SLC24A2: variants seen among roughly 807,000 people sequenced by gnomAD.
The protein encoded by SLC24A2 is sodium/potassium/calcium exchanger 2.
A neutral mutation model predicts 62.0 loss-of-function variants in SLC24A2; 36 were observed. That is an observed-to-expected ratio of 0.58 (90% CI 0.44 to 0.77). The LOEUF (loss-of-function observed/expected upper bound fraction) is 0.77. Among genes scored for constraint, SLC24A2 ranks in the 30% least tolerant of loss-of-function variants. The pLI is 0.00. For missense variants in SLC24A2, 846 were observed against 817.9 expected (o/e 1.03, Z -0.42); for synonymous variants, 358 against 294.0 (o/e 1.22, Z -2.23).
At chr9:19,766,348 GA>G (rs1344552771) in intron 2 of SLC24A2, among the ~76,000 whole-genome samples, 1 of 152,188 alleles carries the variant, frequency 6.6e-6, no homozygotes, top group East Asian at 1.9e-4. Context: ...TGCTGGTGAG[GA>G]GTTGTGATCC....
intron 2 of SLC24A2, among the ~76,000 whole-genome samples, chr9:19,760,162 C>T (rs1822275832): frequency 2.6e-5 from 4 of 152,030 alleles, no homozygotes; most frequent in Non-Finnish European, 4.4e-5. Flanking sequence ...TCACCCATTA[C>T]CTGTAGCTGG....
chr9:19,647,376 T>A (rs1383871782), intron 2 of SLC24A2, among the ~76,000 whole-genome samples: 1 of 152,142 alleles, frequency 6.6e-6, no homozygotes, highest in Non-Finnish European at 1.5e-5. Context: ...CACTGGAAAT[T>A]TTGGCCAAAG....
chr9:20,079,520 G>T, the SLC24A2 span, among the ~76,000 whole-genome samples: 3 of 152,076 alleles, frequency 2.0e-5, no homozygotes, highest in African/African-American at 7.2e-5. Context: ...TGGACATACT[G>T]CACATTGGCC....
the SLC24A2 span, among the ~76,000 whole-genome samples, chr9:20,191,245 T>C: frequency 6.6e-6 from 1 of 152,118 alleles, no homozygotes; most frequent in Non-Finnish European, 1.5e-5. Flanking sequence ...TTTTAGCTTA[T>C]AAAATATCAT....
At chr9:20,292,843 G>A in the SLC24A2 span, among the ~76,000 whole-genome samples, 2 of 152,292 alleles carry the variant, frequency 1.3e-5, no homozygotes, top group South Asian at 4.1e-4. Flanking sequence ...TCCTGCCTTG[G>A]CCTCCCAAAT....
At chr9:20,077,125 T>A in the SLC24A2 span, among the ~76,000 whole-genome samples, 5 of 151,774 alleles carry the variant, frequency 3.3e-5, no homozygotes, top group African/African-American at 1.2e-4. Flanking sequence ...AAAGTGGTAA[T>A]CAGGGGCAGA....
At chr9:20,301,896 C>A in the SLC24A2 span, among the ~76,000 whole-genome samples, 2 of 152,262 alleles carry the variant, frequency 1.3e-5, no homozygotes, top group South Asian at 4.1e-4. Flanking sequence ...TGTACTCTGC[C>A]TATTCACCTC....
the SLC24A2 span, among the ~76,000 whole-genome samples, chr9:19,877,765 T>C: frequency 6.6e-6 from 1 of 151,988 alleles, no homozygotes; most frequent in Non-Finnish European, 1.5e-5. Flanking sequence ...ATATTTGGAT[T>C]CTTGCTTTGG....
intron 5 of SLC24A2, among the ~76,000 whole-genome samples, chr9:19,592,035 T>A (rs114367969): frequency 3.2e-4 from 49 of 152,366 alleles, no homozygotes; most frequent in African/African-American, 1.1e-3. Context: ...CAAAACTTAA[T>A]TTCTCTTTGA....
chr9:19,592,754 TCTAGA>T (rs1426191811), intron 5 of SLC24A2, among the ~76,000 whole-genome samples: 3 of 152,210 alleles, frequency 2.0e-5, no homozygotes, highest in Admixed American at 6.5e-5. Flanking sequence ...TTGAGAATTT[TCTAGA>T]GTAAGAATGG....
chr9:19,798,833 A>C, the SLC24A2 span, among the ~76,000 whole-genome samples: 1 of 152,200 alleles, frequency 6.6e-6, no homozygotes, highest in African/African-American at 2.4e-5. Flanking sequence ...CTTTTTCTCA[A>C]ATAAGGTATG....
the SLC24A2 span, among the ~76,000 whole-genome samples, chr9:20,230,904 T>C: frequency 2.6e-5 from 4 of 152,218 alleles, no homozygotes; most frequent in Non-Finnish European, 5.9e-5. Flanking sequence ...TTCAATTAAT[T>C]TTTGCATAAC....
chr9:19,643,819 G>A (rs891303031), intron 2 of SLC24A2, among the ~76,000 whole-genome samples: 24 of 152,342 alleles, frequency 1.6e-4, no homozygotes, highest in African/African-American at 5.5e-4. Context: ...ATTGACATGT[G>A]TGACACTTGT....
At chr9:19,847,217 T>C in the SLC24A2 span, among the ~76,000 whole-genome samples, 4 of 152,228 alleles carry the variant, frequency 2.6e-5, no homozygotes, top group East Asian at 7.7e-4. Context: ...TATAAATTTC[T>C]GCATTTTTAA....
the SLC24A2 span, among the ~76,000 whole-genome samples, chr9:19,972,960 C>G: frequency 6.6e-6 from 1 of 152,122 alleles, no homozygotes; most frequent in African/African-American, 2.4e-5. Flanking sequence ...TTAAGCTCAT[C>G]TTTTGGGGGG....
chr9:19,963,723 C>T, the SLC24A2 span, among the ~76,000 whole-genome samples: 1 of 151,626 alleles, frequency 6.6e-6, no homozygotes, highest in African/African-American at 2.4e-5. Context: ...GAAACAACAG[C>T]TGCTGGAGAG....
the SLC24A2 span, among the ~76,000 whole-genome samples, chr9:20,145,873 T>C: frequency 6.6e-6 from 1 of 151,908 alleles, no homozygotes; most frequent in African/African-American, 2.4e-5. Context: ...GATTCTGCTA[T>C]ATATATAGAT....
the SLC24A2 span, among the ~76,000 whole-genome samples, chr9:19,982,076 A>G: frequency 6.6e-6 from 1 of 152,252 alleles, no homozygotes; most frequent in South Asian, 2.1e-4. Context: ...AATAATGCAA[A>G]GGTGTGTTAC....
At chr9:20,026,108 G>T in the SLC24A2 span, among the ~76,000 whole-genome samples, 1 of 152,102 alleles carries the variant, frequency 6.6e-6, no homozygotes, top group Non-Finnish European at 1.5e-5. Context: ...GCAATAGGAT[G>T]GGGATTCTTT....
Sources: gnomAD v4.1 joint callset for allele counts (sites outside exome capture counted in the v4.1 genomes callset) on GRCh38, gnomAD v4.1.1 for gene constraint, MANE v1.5 for transcripts, NCBI Gene and HGNC (gene_info 2026-07-23, HGNC 2026-07-21) for gene names.